PCCB: variants seen among roughly 807,000 people sequenced by gnomAD.
PCCB encodes the protein propionyl-CoA carboxylase subunit beta.
PCCB carries 43 observed loss-of-function variants against 60.7 expected under a neutral mutation model. That is an observed-to-expected ratio of 0.71 (90% confidence interval 0.55 to 0.91). The LOEUF is 0.91. PCCB is among the 40% of genes least tolerant of loss of function. PCCB has a pLI of 0.00. For synonymous variants in PCCB, 276 were observed against 255.9 expected, an observed-to-expected ratio of 1.08 and a Z score of -0.75; for missense variants, 766 against 702.8, an observed-to-expected ratio of 1.09 and a Z score of -1.02.
chr3:136,299,798 GTGTA>G, intron 8 of PCCB, among the ~76,000 whole-genome samples: 1 of 151,434 alleles, frequency 6.6e-6, no homozygotes, highest in South Asian at 2.1e-4. Flanking sequence ...GTATATGCAT[GTGTA>G]TGTATAGGTA....
intron 9 of PCCB, among the ~76,000 whole-genome samples, chr3:136,316,010 G>T (rs1934879561): frequency 6.6e-6 from 1 of 152,042 alleles, no homozygotes; most frequent in Non-Finnish European, 1.5e-5. Context: ...CTCAAGGCCA[G>T]GAATTGGAGA....
At chr3:136,306,801 C>T (rs1350937738) in intron 9 of PCCB, among the ~76,000 whole-genome samples, 2 of 121,756 alleles carry the variant, frequency 1.6e-5, no homozygotes, top group Non-Finnish European at 3.7e-5. Context: ...TGAAGAAAAA[C>T]CAGTAGAACA....
chr3:136,321,360 T>C (rs1341269879), intron 10 of PCCB, among the ~76,000 whole-genome samples: 1 of 152,186 alleles, frequency 6.6e-6, no homozygotes, highest in Non-Finnish European at 1.5e-5. Flanking sequence ...ATTAATCTGT[T>C]TTCACACTGC....
At chr3:136,274,971 C>T (rs554368785) in intron 5 of PCCB, among the ~76,000 whole-genome samples, 6 of 152,090 alleles carry the variant, frequency 3.9e-5, no homozygotes, top group East Asian at 1.9e-4. Context: ...CCACCACTCC[C>T]GGCTAATTTT....
chr3:136,310,817 A>T (rs1016553388), intron 9 of PCCB, among the ~76,000 whole-genome samples: 3 of 152,220 alleles, frequency 2.0e-5, no homozygotes, highest in African/African-American at 4.8e-5. Context: ...TACTGTATTA[A>T]CACATATAGG....
intron 6 of PCCB, among the ~76,000 whole-genome samples, chr3:136,285,414 A>C (rs1380093447): frequency 2.0e-5 from 3 of 151,916 alleles, no homozygotes; most frequent in African/African-American, 7.3e-5. Flanking sequence ...AAACTTAATC[A>C]CACTCAGGTC....
At chr3:136,282,690 ATACT>A (rs568450884) in intron 5 of PCCB, among the ~76,000 whole-genome samples, 20 of 152,210 alleles carry the variant, frequency 1.3e-4, no homozygotes, top group Admixed American at 1.0e-3. Flanking sequence ...AAAGAGAACT[ATACT>A]TATGCAGTGT....
At position 136,328,540 on chromosome 3, in the gene PCCB, G is replaced by T. The variant is rs113081595; in HGVS notation, c.1399-218G>T. 0.011 allele frequency among the ~76,000 whole-genome samples: 1,723 copies of T among 152,294 alleles called. 29 individuals carry two copies. The highest frequency in any genetic ancestry group is 0.047 in the East Asian group (243 of 5,180). ...TTTTGCCTGACTGCCCCTTATTGGGGCCACAGGGAAGCATCACATCCCATC... is the reference window on the plus strand; with the variant it reads ...TTTTGCCTGACTGCCCCTTATTGGGTCCACAGGGAAGCATCACATCCCATC... On this transcript the variant is annotated intron_variant, in intron 13 of 14. Coordinates refer to ENST00000251654, the MANE Select transcript of PCCB (RefSeq NM_000532.5).
intron 5 of PCCB, among the ~76,000 whole-genome samples, chr3:136,268,109 T>C (rs1352925879): frequency 5.2e-5 from 7 of 134,208 alleles, no homozygotes; most frequent in South Asian, 2.2e-4. Flanking sequence ...TATATATATA[T>C]ATATATATAT....
intron 10 of PCCB, among the ~76,000 whole-genome samples, chr3:136,326,106 C>G (rs1935298631): frequency 6.6e-6 from 1 of 152,230 alleles, no homozygotes; most frequent in South Asian, 2.1e-4. Flanking sequence ...GCCACCGCGC[C>G]TGGCCTACTG....
rs141137691 is a variant in PCCB, at chr3:136,250,457, C to G, written c.82C>G (p.Leu28Val). The part of the protein sequence containing the change: ...ASGLRAAVRS[L>V]CSQATSVNER... ...CGGTCTCCGCGCCGCGGTCCGCAGC[C>G]TTTGCAGCCAGGCCACCTCTGTTAA... The change falls in exon 1 of 15, where the codon CTT (leucine) becomes GTT (valine). Residue 28 changes from leucine (L) to valine (V), a missense_variant. Physicochemically the swap from Leu to Val is conservative, Grantham distance 32. Transcript: ENST00000251654. The G allele has an allele frequency of 3.1e-4, 495 of 1,609,040 alleles. 1 individual carries two copies. The highest frequency in any genetic ancestry group is 3.9e-4 in the Non-Finnish European group (454 of 1,177,964).
At chr3:136,311,777 TAGTG>T (rs1267394265) in intron 9 of PCCB, among the ~76,000 whole-genome samples, 2 of 152,142 alleles carry the variant, frequency 1.3e-5, no homozygotes, top group East Asian at 3.9e-4. Context: ...CTGGGCAACA[TAGTG>T]AGACCTTGTC....
intron 4 of PCCB, among the ~76,000 whole-genome samples, chr3:136,261,178 T>C (rs911484158): frequency 1.3e-5 from 2 of 152,206 alleles, no homozygotes; most frequent in African/African-American, 4.8e-5. Flanking sequence ...TAAAGAACAG[T>C]GCGAGCATTG....
chr3:136,289,928 C>T (rs1043837695), intron 6 of PCCB, among the ~76,000 whole-genome samples: 1 of 152,028 alleles, frequency 6.6e-6, no homozygotes, highest in African/African-American at 2.4e-5. Context: ...CTAATTCCTT[C>T]CTCCTATCCC....
intron 9 of PCCB, among the ~76,000 whole-genome samples, chr3:136,316,726 T>C (rs554290385): frequency 9.9e-5 from 15 of 152,236 alleles, no homozygotes; most frequent in African/African-American, 3.6e-4. Flanking sequence ...TGTGTCCATC[T>C]TAGCAGCAGT....
intron 8 of PCCB, among the ~76,000 whole-genome samples, chr3:136,298,765 A>G (rs897250554): frequency 6.6e-6 from 1 of 152,118 alleles, no homozygotes; most frequent in Non-Finnish European, 1.5e-5. Context: ...GTTCCATTTT[A>G]TTTCCTCTCC....
chr3:136,252,908 G>GT (rs57859572), intron 1 of PCCB, among the ~76,000 whole-genome samples: 1,719 of 127,822 alleles, frequency 0.013, 21 homozygotes, highest in African/African-American at 0.043. Flanking sequence ...TTTTTGTTTT[G>GT]TTTTTTTTTT....
Position 136,316,984 on chromosome 3 carries a change from C to G in PCCB, c.1010C>G (p.Ala337Gly). 1 of 1,613,698 alleles carries G rather than the reference C, an allele frequency of 6.2e-7. No individual in the cohort carries two copies. The highest frequency in any genetic ancestry group is 8.5e-7 in the Non-Finnish European group (1 of 1,179,702). Residue 337 changes from alanine (A) to glycine (G), a missense_variant, in exon 10 of 15, where the codon GCC (alanine) becomes GGC (glycine). Transcript: ENST00000251654. The part of the protein sequence containing the change: ...REFFEIMPNY[A>G]KNIIVGFARM... ...TTTTTTGAGATCATGCCCAATTATG[C>G]CAAGAACATCATTGTTGGTTTTGCA...
chr3:136,283,021 C>T (rs993233690), intron 5 of PCCB, among the ~76,000 whole-genome samples: 20 of 152,180 alleles, frequency 1.3e-4, no homozygotes, highest in Non-Finnish European at 2.5e-4. Flanking sequence ...CTGGAAGTCT[C>T]CCCTACTACC....
Sources: gnomAD v4.1 joint callset for allele counts (sites outside exome capture counted in the v4.1 genomes callset) on GRCh38, gnomAD v4.1.1 for gene constraint, MANE v1.5 for transcripts, NCBI Gene and HGNC (gene_info 2026-07-23, HGNC 2026-07-21) for gene names.